The following SOX6 variants were observed in gnomAD, a reference collection of about 807,000 sequenced individuals.
The protein encoded by SOX6 is transcription factor SOX-6.
Under a neutral mutation model 97.8 loss-of-function variants are expected in SOX6, and 11 were observed. The ratio of observed to expected loss-of-function variants is 0.11; its 90% CI spans 0.07 to 0.19. The LOEUF is 0.19. Ranked by LOEUF, SOX6 falls within the 10% of genes least tolerant of loss-of-function variation. SOX6 has a pLI of 1.00. For synonymous variants in SOX6, 360 were observed against 371.4 expected (o/e 0.97, Z 0.35); for missense variants, 810 against 1,039.5 (o/e 0.78, Z 3.04).
intron 4 of SOX6, among the ~76,000 whole-genome samples, chr11:16,570,047 G>A (rs4593976): frequency 0.23 from 35,413 of 151,864 alleles, 4,858 homozygotes; most frequent in Non-Finnish European, 0.3. Context: ...ATTTTGAGAT[G>A]CTCACCCTTC....
chr11:16,027,227 T>C (rs1855238891), intron 12 of SOX6, among the ~76,000 whole-genome samples: 1 of 152,158 alleles, frequency 6.6e-6, no homozygotes, highest in African/African-American at 2.4e-5. Flanking sequence ...CAGGAATTAG[T>C]ATAATTATTC....
intron 4 of SOX6, among the ~76,000 whole-genome samples, chr11:16,488,186 T>C (rs1303474069): frequency 6.6e-6 from 1 of 152,198 alleles, no homozygotes; most frequent in African/African-American, 2.4e-5. Context: ...ACTTACTGGA[T>C]GTTTACTCTG....
At chr11:16,586,240 G>A (rs908124858) in intron 4 of SOX6, among the ~76,000 whole-genome samples, 5 of 151,708 alleles carry the variant, frequency 3.3e-5, no homozygotes, top group Non-Finnish European at 7.4e-5. Context: ...GGCCTCAGTG[G>A]CCTCCCTGTA....
chr11:16,491,500 ATGTGTG>A (rs34737280), intron 4 of SOX6, among the ~76,000 whole-genome samples: 1 of 150,396 alleles, frequency 6.6e-6, no homozygotes, highest in Non-Finnish European at 1.5e-5. Context: ...CCAACAGTCT[ATGTGTG>A]TGTGTGTGTG....
intron 2 of SOX6, among the ~76,000 whole-genome samples, chr11:16,335,037 C>T (rs11023917): frequency 0.39 from 59,671 of 151,934 alleles, 12,429 homozygotes; most frequent in East Asian, 0.48. Context: ...ATTTCACTAC[C>T]CACAGCAAGA....
chr11:16,009,060 G>A (rs1054932315), intron 13 of SOX6, among the ~76,000 whole-genome samples: 7 of 151,920 alleles, frequency 4.6e-5, no homozygotes, highest in African/African-American at 1.7e-4. Context: ...TATGCCCACA[G>A]CATAGCTCTA....
intron 3 of SOX6, among the ~76,000 whole-genome samples, chr11:16,307,708 GTATA>G (rs1461975010): frequency 6.6e-6 from 1 of 152,080 alleles, no homozygotes; most frequent in Non-Finnish European, 1.5e-5. Flanking sequence ...CATTCAAAAA[GTATA>G]TATATTAGCA....
rs1847646905 is a variant in SOX6 at position 16,050,018 on chromosome 11, TACACCTCAGAG to T, written c.1252-91_1252-81del. The T allele has an allele frequency of 3.5e-6, 5 of 1,426,074 alleles. No homozygotes were observed. The East Asian group carries it at 1.1e-4, about 32-fold the overall frequency. 88.3% of individuals were successfully genotyped at this position (1,426,074 alleles called of 1,614,324 possible). On this transcript the variant is annotated intron_variant, in intron 10 of 15. Coordinates refer to ENST00000683767, the MANE Select transcript of SOX6 (RefSeq NM_001367873.1). ...ATCACTTAGTAAGCCACAGTTATTT[TACACCTCAGAG>T]ACAATGCCACATTCTCCTACAATAA...
intron 1 of SOX6, among the ~76,000 whole-genome samples, chr11:16,398,829 A>C (rs994822055): frequency 1.2e-4 from 17 of 144,908 alleles, no homozygotes; most frequent in South Asian, 2.2e-4. Context: ...AAAAAAAAAA[A>C]CCATAAAAAC....
chr11:16,025,165 C>T (rs918264529), intron 12 of SOX6, among the ~76,000 whole-genome samples: 2 of 152,134 alleles, frequency 1.3e-5, no homozygotes, highest in African/African-American at 4.8e-5. Context: ...TATAAGTTTG[C>T]AACTCCCAAG....
chr11:16,419,335 C>A (rs1858985182), intron 1 of SOX6, among the ~76,000 whole-genome samples: 1 of 151,926 alleles, frequency 6.6e-6, no homozygotes, highest in Non-Finnish European at 1.5e-5. Flanking sequence ...TCTATACAAA[C>A]TATAGTTAAA....
intron 1 of SOX6, among the ~76,000 whole-genome samples, chr11:16,447,916 T>C (rs1859645416): frequency 6.6e-6 from 1 of 152,212 alleles, no homozygotes; most frequent in Non-Finnish European, 1.5e-5. Context: ...CGGTCAGCTG[T>C]CAGCCAAAGA....
rs1408793318 is a variant in SOX6 at position 15,967,177 on chromosome 11, C to T, written c.*5632G>A. The stretch of plus-strand genomic sequence containing the variant: ...TACCAGCCATGGGCCAAGTAGGTAC[C>T]TGCATTATACATAGAATTTCTACAA... On this transcript the variant is annotated 3_prime_UTR_variant, in exon 16 of 16. Coordinates refer to ENST00000683767, the MANE Select transcript of SOX6 (RefSeq NM_001367873.1). 2.0e-5 allele frequency: 3 copies of T among 152,086 alleles called. No homozygotes were observed. The highest frequency in any genetic ancestry group is 4.4e-5 in the Non-Finnish European group (3 of 68,036). 9.4% of individuals were successfully genotyped at this position (152,086 alleles called of 1,614,324 possible). A position where few individuals can be genotyped will look rare whatever the true frequency, so the allele number is the denominator to read the frequency against.
intron 5 of SOX6, among the ~76,000 whole-genome samples, chr11:16,185,305 A>C (rs145837780): frequency 6.6e-6 from 1 of 152,276 alleles, no homozygotes; most frequent in Non-Finnish European, 1.5e-5. Flanking sequence ...TGGATATTCA[A>C]ATCAGAAATG....
At chr11:16,683,023 A>C (rs1056187411) in intron 3 of SOX6, among the ~76,000 whole-genome samples, 4 of 152,236 alleles carry the variant, frequency 2.6e-5, no homozygotes, top group African/African-American at 7.2e-5. Context: ...AATCCAACTT[A>C]CAAGGGATGT....
intron 4 of SOX6, 140 bp downstream of exon 4, chr11:16,234,442 T>A: frequency 1.8e-6 from 1 of 555,464 alleles, no homozygotes; most frequent in Non-Finnish European, 3.1e-6. Flanking sequence ...CTCAGAAACC[T>A]ATAATATTCA....
At chr11:16,143,270 G>A (rs1850197046) in intron 6 of SOX6, among the ~76,000 whole-genome samples, 1 of 152,088 alleles carries the variant, frequency 6.6e-6, no homozygotes, top group Non-Finnish European at 1.5e-5. Context: ...AAGTGAAGGA[G>A]AAATAAAATC....
chr11:16,692,056 CGTGTGT>C (rs755479047), intron 3 of SOX6, among the ~76,000 whole-genome samples: 4 of 144,290 alleles, frequency 2.8e-5, no homozygotes, highest in East Asian at 2.1e-4. Flanking sequence ...TTTGCGTGTG[CGTGTGT>C]GTGTGTGTGT....
intron 4 of SOX6, among the ~76,000 whole-genome samples, chr11:16,543,317 A>G (rs1861435904): frequency 6.6e-6 from 1 of 152,116 alleles, no homozygotes; most frequent in Non-Finnish European, 1.5e-5. Context: ...CGGTAATATC[A>G]CTTTTAGAAT....
Sources: gnomAD v4.1 joint callset for allele counts (sites outside exome capture counted in the v4.1 genomes callset) on GRCh38, gnomAD v4.1.1 for gene constraint, MANE v1.5 for transcripts, NCBI Gene and HGNC (gene_info 2026-07-23, HGNC 2026-07-21) for gene names.